ISM1: variants seen among roughly 807,000 people sequenced by gnomAD.
The protein encoded by ISM1 is isthmin 1, also known as isthmin-1.
ISM1 carries 25 observed loss-of-function variants against 46.3 expected under a neutral mutation model. The ratio of observed to expected loss-of-function variants is 0.54; its 90% confidence interval spans 0.39 to 0.75. The LOEUF (loss-of-function observed/expected upper bound fraction) is 0.75. Ranked by LOEUF, ISM1 falls within the 30% of genes least tolerant of loss-of-function variation. The probability of loss-of-function intolerance (pLI) is 0.00; values close to 1 mark genes in which losing one functional copy is unlikely to be tolerated. For synonymous variants in ISM1, 255 were observed against 256.7 expected (o/e 0.99, Z 0.06); for missense variants, 536 against 625.4 (o/e 0.86, Z 1.52).
At chr20:13,265,235 A>G (rs2040030264) in intron 1 of ISM1, among the ~76,000 whole-genome samples, 1 of 152,040 alleles carries the variant, frequency 6.6e-6, no homozygotes, top group Non-Finnish European at 1.5e-5. Context: ...TGTTCTCTTA[A>G]CCTGATGCAT....
chr20:13,256,597 C>G (rs1309311181), intron 1 of ISM1, among the ~76,000 whole-genome samples: 1 of 152,124 alleles, frequency 6.6e-6, no homozygotes, highest in African/African-American at 2.4e-5. Flanking sequence ...ACACTGACCA[C>G]GTCTTCCATC....
In ISM1 at chr20:13,299,255, C is replaced by A. The variant is rs1323304290; in HGVS notation, c.1191C>A (p.Gly397=). 5.6e-6 allele frequency: 9 copies of A among 1,605,842 alleles called. No homozygotes were observed. The highest frequency in any genetic ancestry group is 7.7e-6 in the Non-Finnish European group (9 of 1,176,064). Residue 397 remains glycine (G), a synonymous_variant, in exon 6 of 6, where the codon GGC becomes GGA. Coordinates refer to ENST00000262487, the MANE Select transcript of ISM1 (RefSeq NM_080826.2). This position sits in a 1 kb window ranked among gnomAD's most constrained non-coding sequence, Gnocchi z 5.8. ...YGDNMQLITR[G]KGAGTPNLIS... is the part of the protein sequence containing the mutation. Reference sequence around the variant, plus strand: ...ACAACATGCAGCTCATCACCAGGGGCAAGGGGGCGGGCACGCCCAACCTCA... The same window carrying A: ...ACAACATGCAGCTCATCACCAGGGGAAAGGGGGCGGGCACGCCCAACCTCA...
At chr20:13,277,272 C>T (rs553621081) in intron 2 of ISM1, among the ~76,000 whole-genome samples, 4 of 152,258 alleles carry the variant, frequency 2.6e-5, no homozygotes, top group Admixed American at 6.5e-5. Flanking sequence ...AAATGGAATA[C>T]CAAAAGTGTT....
chr20:13,232,695 A>T (rs2039602270), intron 1 of ISM1, among the ~76,000 whole-genome samples: 1 of 152,236 alleles, frequency 6.6e-6, no homozygotes, highest in Admixed American at 6.5e-5. Context: ...GCTTATTAAG[A>T]AATTCTGGAA....
the ISM1 span, among the ~76,000 whole-genome samples, chr20:13,315,417 A>G: frequency 1.3e-5 from 2 of 152,038 alleles, no homozygotes; most frequent in African/African-American, 4.8e-5. Flanking sequence ...ACTTAAGACC[A>G]AGGAAAGTTA....
At chr20:13,273,707 A>G (rs1191242893) in intron 2 of ISM1, among the ~76,000 whole-genome samples, 1 of 152,224 alleles carries the variant, frequency 6.6e-6, no homozygotes, top group Non-Finnish European at 1.5e-5. Context: ...TTATTGGCCA[A>G]ATGGATTAAA....
intron 1 of ISM1, among the ~76,000 whole-genome samples, chr20:13,223,363 C>G (rs1383701543): frequency 6.6e-6 from 1 of 152,190 alleles, no homozygotes; most frequent in African/African-American, 2.4e-5. Context: ...TACGTGCCAC[C>G]GTTTTAAGTA....
intron 1 of ISM1, among the ~76,000 whole-genome samples, chr20:13,264,854 T>TGGG (rs1247024811): frequency 6.6e-6 from 1 of 152,152 alleles, no homozygotes; most frequent in African/African-American, 2.4e-5. Flanking sequence ...AGCAGAGCTT[T>TGGG]CCCAAGGGCA....
chr20:13,224,017 G>A (rs1568659008), intron 1 of ISM1, among the ~76,000 whole-genome samples: 2 of 152,040 alleles, frequency 1.3e-5, no homozygotes, highest in Admixed American at 6.5e-5. Context: ...GAAGTGGACT[G>A]AATTCTCAAA....
intron 3 of ISM1, among the ~76,000 whole-genome samples, chr20:13,281,428 A>G (rs1169719222): frequency 6.6e-6 from 1 of 152,228 alleles, no homozygotes; most frequent in African/African-American, 2.4e-5. Context: ...CAACATTTAA[A>G]TAGTACTTAC....
the ISM1 span, among the ~76,000 whole-genome samples, chr20:13,321,226 T>A: frequency 7.4e-6 from 1 of 135,302 alleles, no homozygotes; most frequent in Non-Finnish European, 1.6e-5. Flanking sequence ...GAGATCGTCT[T>A]TATCTAGAAT....
intron 1 of ISM1, among the ~76,000 whole-genome samples, chr20:13,227,841 T>C (rs2039545000): frequency 6.6e-6 from 1 of 152,090 alleles, no homozygotes; most frequent in Non-Finnish European, 1.5e-5. Context: ...TTCTTATTAA[T>C]AAGCTATATT....
chr20:13,279,912 C>G lies in ISM1; in HGVS notation c.643+14C>G, dbSNP rs1419574011. 1.4e-5 allele frequency: 23 copies of G among 1,608,428 alleles called. No individual in the cohort carries two copies. The highest frequency in any genetic ancestry group is 1.9e-5 in the Non-Finnish European group (22 of 1,176,126). On this transcript the variant is annotated intron_variant, in intron 3 of 5. Coordinates refer to ENST00000262487, the MANE Select transcript of ISM1 (RefSeq NM_080826.2). ...AGCCAGAATATGGTGAGTTTACCAC[C>G]TAGTAATATAAAATTGGTGGGAAGA... is the stretch of plus-strand genomic sequence containing the variant.
the ISM1 span, among the ~76,000 whole-genome samples, chr20:13,318,609 G>A: frequency 6.6e-6 from 1 of 152,198 alleles, no homozygotes; most frequent in Non-Finnish European, 1.5e-5. Context: ...TAGGTGAAGG[G>A]ATAAACTATA....
At chr20:13,284,668 T>C (rs1027666252) in intron 3 of ISM1, among the ~76,000 whole-genome samples, 1 of 152,166 alleles carries the variant, frequency 6.6e-6, no homozygotes, top group Non-Finnish European at 1.5e-5. Flanking sequence ...TGCCGGGACA[T>C]TGATGGGGGC....
intron 5 of ISM1, among the ~76,000 whole-genome samples, chr20:13,294,325 T>C (rs1303323851): frequency 6.6e-6 from 1 of 152,184 alleles, no homozygotes; most frequent in Non-Finnish European, 1.5e-5. Flanking sequence ...CACACACATA[T>C]GATCAAATTG....
chr20:13,298,506 T>C (rs982316556), intron 5 of ISM1, among the ~76,000 whole-genome samples: 1 of 152,204 alleles, frequency 6.6e-6, no homozygotes, highest in Non-Finnish European at 1.5e-5. Flanking sequence ...TAGGAAAATA[T>C]CCTCTTTTTT....
At chr20:13,307,157 T>G in the ISM1 span, among the ~76,000 whole-genome samples, 1 of 152,226 alleles carries the variant, frequency 6.6e-6, no homozygotes, top group Non-Finnish European at 1.5e-5. Context: ...CTCTTCACTA[T>G]GTCTACACAG....
the ISM1 span, among the ~76,000 whole-genome samples, chr20:13,306,281 T>C: frequency 0.79 from 120,101 of 152,080 alleles, 47,658 homozygotes; most frequent in East Asian, 0.87. Flanking sequence ...TTTTCTATGT[T>C]GTTTAGTTTA....
Sources: allele counts gnomAD v4.1 joint callset (sites outside exome capture counted in the v4.1 genomes callset), GRCh38; gene constraint gnomAD v4.1.1; non-coding constraint Gnocchi (gnomAD v3.1); transcripts MANE v1.5; gene names NCBI Gene and HGNC (gene_info 2026-07-23, HGNC 2026-07-21).